The following ASTN2 variants were observed in gnomAD, a reference collection of about 807,000 sequenced individuals.
The protein encoded by ASTN2 is astrotactin-2.
A neutral mutation model predicts 139.8 loss-of-function variants in ASTN2; 54 were observed. The ratio of observed to expected loss-of-function variants is 0.39; its 90% CI spans 0.31 to 0.48. ASTN2 has a LOEUF of 0.48. ASTN2 is among the 20% of genes least tolerant of loss of function. The pLI, the probability that ASTN2 is intolerant of heterozygous loss-of-function variation, is 0.95. For synonymous variants in ASTN2, 756 were observed against 719.5 expected, an observed-to-expected ratio of 1.05 and a Z score of -0.81; for missense variants, 1,565 against 1,725.1, an observed-to-expected ratio of 0.91 and a Z score of 1.64.
intron 19 of ASTN2, among the ~76,000 whole-genome samples, chr9:116,548,071 C>G (rs976691219): frequency 5.3e-5 from 8 of 150,992 alleles, no homozygotes; most frequent in Admixed American, 2.6e-4. Context: ...TTAGCTCCCC[C>G]ACCCCAGGAT....
At position 116,587,376 on chromosome 9, in the gene ASTN2, T is replaced by C. The variant is rs140028671; in HGVS notation, c.3355+30948A>G. Among the ~76,000 whole-genome samples, 955 of 150,100 alleles carry C rather than the reference T, an allele frequency of 6.4e-3. 14 individuals are homozygous for C. The highest frequency in any genetic ancestry group is 0.022 in the African/African-American group (894 of 40,758). On this transcript the variant is annotated intron_variant, in intron 19 of 22. Transcript: ENST00000313400. ...AAAAAAAAAAAAAAAAGCACACTGT[T>C]ATAGAAGATCAGATCTCAGGCAATC...
intron 4 of ASTN2, among the ~76,000 whole-genome samples, chr9:117,104,640 A>G: frequency 6.6e-6 from 1 of 152,238 alleles, no homozygotes; most frequent in East Asian, 1.9e-4. Context: ...ATGCAAAAAC[A>G]TATTGAAGGA....
intron 3 of ASTN2, among the ~76,000 whole-genome samples, chr9:117,188,573 T>C (rs1366726271): frequency 6.6e-6 from 1 of 152,106 alleles, no homozygotes; most frequent in Non-Finnish European, 1.5e-5. Context: ...GGAAACATCG[T>C]AGCTGGGAAC....
Position 117,163,091 on chromosome 9 carries a change from C to T in ASTN2, c.1016-21613G>A, listed in dbSNP as rs535678427. ...CTTTCTCTGCCAGGCTCCATCTACA[C>T]GGAAGCCCCAGAGGGGTTACAAACA... is the stretch of plus-strand genomic sequence containing the variant. On this transcript the variant is annotated intron_variant, in intron 3 of 22. Coordinates refer to ENST00000313400, the MANE Select transcript of ASTN2 (RefSeq NM_001365068.1). Among the ~76,000 whole-genome samples the T allele has an allele frequency of 1.1e-4, 17 of 152,144 alleles. No individual in the cohort carries two copies. In the South Asian group the frequency reaches 3.1e-3, roughly 28 times the overall value.
chr9:117,411,062 G>C (rs1029716856), intron 1 of ASTN2, among the ~76,000 whole-genome samples: 2 of 152,132 alleles, frequency 1.3e-5, no homozygotes, highest in Admixed American at 1.3e-4. Flanking sequence ...GTAGGTGTCT[G>C]GCAGACCAGG....
chr9:116,978,454 A>ATG (rs1836414502), intron 7 of ASTN2, among the ~76,000 whole-genome samples: 1 of 148,342 alleles, frequency 6.7e-6, no homozygotes, highest in African/African-American at 2.5e-5. Context: ...CTCTCTCTGT[A>ATG]TCTCTCTCTG....
intron 5 of ASTN2, among the ~76,000 whole-genome samples, chr9:117,049,771 A>G (rs1838861512): frequency 1.3e-5 from 2 of 152,222 alleles, no homozygotes; most frequent in Non-Finnish European, 2.9e-5. Context: ...AATACATGCA[A>G]GAATGAAAAA....
chr9:117,380,376 G>T (rs1466880554), intron 1 of ASTN2, among the ~76,000 whole-genome samples: 2 of 152,120 alleles, frequency 1.3e-5, no homozygotes, highest in South Asian at 4.2e-4. Flanking sequence ...GGAGGCCAAG[G>T]TGGGCAAATC....
At chr9:117,212,716 C>T (rs1832178623) in intron 3 of ASTN2, among the ~76,000 whole-genome samples, 1 of 152,056 alleles carries the variant, frequency 6.6e-6, no homozygotes, top group African/African-American at 2.4e-5. Flanking sequence ...CAGGTAAATG[C>T]AAATCAAAAA....
At chr9:117,029,714 A>G (rs1838193043) in intron 6 of ASTN2, among the ~76,000 whole-genome samples, 1 of 152,026 alleles carries the variant, frequency 6.6e-6, no homozygotes, top group Non-Finnish European at 1.5e-5. Flanking sequence ...GAAGAAAGGG[A>G]AGAAGCAGAA....
At chr9:117,193,959 G>GTGT (rs72363787) in intron 3 of ASTN2, among the ~76,000 whole-genome samples, 51,573 of 151,594 alleles carry the variant, frequency 0.34, 8,840 homozygotes, top group East Asian at 0.43. Flanking sequence ...AGAGGGCAGG[G>GTGT]TGTTGTTGTT....
At chr9:117,213,296 T>TG (rs1359586932) in intron 3 of ASTN2, among the ~76,000 whole-genome samples, 5 of 152,094 alleles carry the variant, frequency 3.3e-5, no homozygotes, top group Non-Finnish European at 1.5e-5. Context: ...TATTAGAAGC[T>TG]GGGAAAGGTA....
chr9:117,240,643 T>C (rs1833177460), intron 2 of ASTN2, among the ~76,000 whole-genome samples: 1 of 152,212 alleles, frequency 6.6e-6, no homozygotes, highest in Non-Finnish European at 1.5e-5. Flanking sequence ...AGCTACCCCA[T>C]AGATAAACCT....
chr9:116,964,216 G>GCTGT (rs1554765645), intron 10 of ASTN2, among the ~76,000 whole-genome samples: 1 of 140,708 alleles, frequency 7.1e-6, no homozygotes, highest in African/African-American at 2.7e-5. Flanking sequence ...ACTGCCCTGG[G>GCTGT]GTGTGTGTGT....
At chr9:117,141,250 C>A in intron 4 of ASTN2, 76 bp downstream of exon 4, 2 of 1,300,042 alleles carry the variant, frequency 1.5e-6, no homozygotes, top group Non-Finnish European at 1.0e-6. Flanking sequence ...GGGAAGAATG[C>A]ACAGATCTCC....
chr9:117,285,279 A>C (rs1834419213), intron 2 of ASTN2, among the ~76,000 whole-genome samples: 1 of 150,426 alleles, frequency 6.6e-6, no homozygotes, highest in African/African-American at 2.5e-5. Flanking sequence ...ATTTTGTAAA[A>C]AGCTTTTTTT....
chr9:116,907,440 C>T (rs763183163), intron 10 of ASTN2, among the ~76,000 whole-genome samples: 1 of 152,170 alleles, frequency 6.6e-6, no homozygotes, highest in Non-Finnish European at 1.5e-5. Flanking sequence ...ACAGCTTGCT[C>T]AAATCCCAGA....
intron 2 of ASTN2, among the ~76,000 whole-genome samples, chr9:117,231,877 T>C (rs911852243): frequency 6.6e-6 from 1 of 152,204 alleles, no homozygotes; most frequent in African/African-American, 2.4e-5. Context: ...ATCTTCTTCC[T>C]TGTTCTCTGT....
intron 1 of ASTN2, among the ~76,000 whole-genome samples, chr9:117,389,433 C>G (rs1455630153): frequency 1.3e-5 from 2 of 152,188 alleles, no homozygotes; most frequent in Non-Finnish European, 2.9e-5. Context: ...AAACTCAGGA[C>G]TCAGGCCACC....
Sources: gnomAD v4.1 joint callset for allele counts (sites outside exome capture counted in the v4.1 genomes callset) on GRCh38, gnomAD v4.1.1 for gene constraint, MANE v1.5 for transcripts, NCBI Gene and HGNC (gene_info 2026-07-23, HGNC 2026-07-21) for gene names.